The following SUGCT variants were observed in gnomAD, a reference collection of about 807,000 sequenced individuals.
The protein encoded by SUGCT is succinyl-CoA:glutarate-CoA transferase, also known as succinyl-CoA:glutarate CoA-transferase.
A neutral mutation model predicts 55.0 loss-of-function variants in SUGCT; 41 were observed. The observed-to-expected ratio is 0.74, with a 90% confidence interval of 0.58 to 0.97. The LOEUF (loss-of-function observed/expected upper bound fraction) is 0.97. Ranked by LOEUF, SUGCT falls within the 50% of genes least tolerant of loss-of-function variation. SUGCT has a pLI of 0.00. For synonymous variants in SUGCT, 187 were observed against 200.4 expected, an observed-to-expected ratio of 0.93 and a Z score of 0.56; for missense variants, 568 against 547.8, an observed-to-expected ratio of 1.04 and a Z score of -0.37.
intron 9 of SUGCT, among the ~76,000 whole-genome samples, chr7:40,381,997 CA>C (rs1469745414): frequency 4.6e-5 from 7 of 151,412 alleles, no homozygotes; most frequent in African/African-American, 7.3e-5. Context: ...TTCCTACCAT[CA>C]AGGGACGTGT....
the SUGCT span, among the ~76,000 whole-genome samples, chr7:40,981,288 A>G: frequency 6.6e-6 from 1 of 152,154 alleles, no homozygotes; most frequent in Non-Finnish European, 1.5e-5. Flanking sequence ...GCAACCAGAT[A>G]GTTTCATGAT....
chr7:40,337,795 T>C (rs956927444), intron 9 of SUGCT, among the ~76,000 whole-genome samples: 12 of 152,202 alleles, frequency 7.9e-5, no homozygotes, highest in African/African-American at 4.8e-5. Flanking sequence ...GTCATTATGA[T>C]GTTAGCTGGT....
At chr7:40,643,977 T>C (rs1211259347) in intron 12 of SUGCT, among the ~76,000 whole-genome samples, 2 of 152,200 alleles carry the variant, frequency 1.3e-5, no homozygotes, top group East Asian at 1.9e-4. Flanking sequence ...CTGGGCAAGC[T>C]GTGCGTCTGC....
chr7:40,340,616 A>G (rs974498180), intron 9 of SUGCT, among the ~76,000 whole-genome samples: 1 of 152,158 alleles, frequency 6.6e-6, no homozygotes, highest in African/African-American at 2.4e-5. Context: ...AAGTAGGGGG[A>G]AAAAGTAGGC....
At chr7:40,817,692 A>G (rs1466516821) in intron 13 of SUGCT, among the ~76,000 whole-genome samples, 1 of 152,184 alleles carries the variant, frequency 6.6e-6, no homozygotes, top group Non-Finnish European at 1.5e-5. Flanking sequence ...ACATATATAT[A>G]GTTCTTCAGA....
At chr7:40,971,265 A>C in the SUGCT span, among the ~76,000 whole-genome samples, 1 of 152,142 alleles carries the variant, frequency 6.6e-6, no homozygotes, top group Non-Finnish European at 1.5e-5. Flanking sequence ...CCCACTCAGC[A>C]TGAAGAGGAT....
At chr7:40,885,961 T>C in the SUGCT span, among the ~76,000 whole-genome samples, 1 of 152,206 alleles carries the variant, frequency 6.6e-6, no homozygotes, top group African/African-American at 2.4e-5. Context: ...GGACCTTTCT[T>C]TACCTTTCCC....
At chr7:40,378,956 T>C (rs924486979) in intron 9 of SUGCT, among the ~76,000 whole-genome samples, 3 of 152,200 alleles carry the variant, frequency 2.0e-5, no homozygotes, top group African/African-American at 7.2e-5. Flanking sequence ...TATGTTAAGA[T>C]GTGATTAAGT....
chr7:40,370,563 GGA>G (rs143634863), intron 9 of SUGCT, among the ~76,000 whole-genome samples: 2 of 149,116 alleles, frequency 1.3e-5, no homozygotes, highest in African/African-American at 2.5e-5. Flanking sequence ...GGAGGGCAAA[GGA>G]GAGAGAGAGA....
intron 13 of SUGCT, among the ~76,000 whole-genome samples, chr7:40,798,483 A>T (rs1268130092): frequency 6.6e-6 from 1 of 152,148 alleles, no homozygotes; most frequent in East Asian, 1.9e-4. Flanking sequence ...TTTTATAAGA[A>T]TTTTTTTGTT....
intron 13 of SUGCT, among the ~76,000 whole-genome samples, chr7:40,797,714 G>A (rs1790616477): frequency 6.6e-6 from 1 of 152,032 alleles, no homozygotes; most frequent in South Asian, 2.1e-4. Context: ...TGAAAAGCAT[G>A]AACCCCCCCC....
chr7:40,643,785 GA>G (rs974493979), intron 12 of SUGCT, among the ~76,000 whole-genome samples: 5 of 152,166 alleles, frequency 3.3e-5, no homozygotes, highest in Non-Finnish European at 7.3e-5. Flanking sequence ...GAAATACTAG[GA>G]AGGGAGGAAG....
At chr7:40,343,154 C>G (rs1337668040) in intron 9 of SUGCT, among the ~76,000 whole-genome samples, 1 of 152,176 alleles carries the variant, frequency 6.6e-6, no homozygotes, top group Non-Finnish European at 1.5e-5. Flanking sequence ...TCTCTATCAG[C>G]CTTCCACCGA....
chr7:40,319,079 GTGTT>G (rs1159508029), intron 9 of SUGCT, among the ~76,000 whole-genome samples: 1 of 152,098 alleles, frequency 6.6e-6, no homozygotes, highest in Non-Finnish European at 1.5e-5. Flanking sequence ...ATCTGTGTCT[GTGTT>G]TGTCTGTTCT....
At chr7:40,207,123 G>A (rs188141810) in intron 6 of SUGCT, among the ~76,000 whole-genome samples, 234 of 152,208 alleles carry the variant, frequency 1.5e-3, no homozygotes, top group Non-Finnish European at 2.2e-3. Flanking sequence ...GCTTGAGCCT[G>A]GGAGGTTGAG....
Position 40,449,280 on chromosome 7 carries a change from C to T in SUGCT, c.817-7C>T. The T allele has an allele frequency of 6.3e-7, 1 of 1,599,830 alleles. No individual in the cohort carries two copies. Among genetic ancestry groups the T allele is most frequent in the African/African-American group, 1.3e-5 (1 of 74,690 alleles). ...ATAATATTTACCTGTGTATTTATTTCTTTTAGGCTTTTAAAACCAAGGATG... is the reference window on the plus strand; with the variant it reads ...ATAATATTTACCTGTGTATTTATTTTTTTTAGGCTTTTAAAACCAAGGATG... On this transcript the variant is annotated splice_polypyrimidine_tract_variant and splice_region_variant and intron_variant, in intron 9 of 13. Coordinates refer to ENST00000335693, the MANE Select transcript of SUGCT (RefSeq NM_001193313.2).
intron 13 of SUGCT, among the ~76,000 whole-genome samples, chr7:40,843,401 T>G (rs975057932): frequency 1.3e-5 from 2 of 151,238 alleles, no homozygotes; most frequent in Admixed American, 1.3e-4. Flanking sequence ...TCCCAGCTAC[T>G]CGGGAGGGTG....
intron 9 of SUGCT, among the ~76,000 whole-genome samples, chr7:40,364,997 G>A (rs1200024190): frequency 3.3e-5 from 5 of 152,088 alleles, no homozygotes; most frequent in Admixed American, 1.3e-4. Context: ...GATGAACATT[G>A]ATGCAAAAAT....
intron 12 of SUGCT, among the ~76,000 whole-genome samples, chr7:40,615,597 C>T (rs184051041): frequency 3.5e-4 from 53 of 152,310 alleles, no homozygotes; most frequent in African/African-American, 1.1e-3. Flanking sequence ...ACTTTTTCTG[C>T]CTGAGCTCAT....
Sources: allele counts gnomAD v4.1 joint callset (sites outside exome capture counted in the v4.1 genomes callset), GRCh38; gene constraint gnomAD v4.1.1; transcripts MANE v1.5; gene names NCBI Gene and HGNC (gene_info 2026-07-23, HGNC 2026-07-21).